The following STAU2 variants were observed in gnomAD, a reference collection of about 807,000 sequenced individuals.
The protein encoded by STAU2 is staufen double-stranded RNA binding protein 2, also known as double-stranded RNA-binding protein Staufen homolog 2.
A neutral mutation model predicts 65.9 loss-of-function variants in STAU2; 20 were observed. That is an observed-to-expected ratio of 0.30 (90% CI 0.21 to 0.44). The LOEUF is 0.44. STAU2 is among the 20% of genes least tolerant of loss of function. The probability of loss-of-function intolerance (pLI) is 1.00; values close to 1 mark genes in which losing one functional copy is unlikely to be tolerated. For missense variants in STAU2, 558 were observed against 683.9 expected (o/e 0.82, Z 2.05); for synonymous variants, 232 against 233.9 (o/e 0.99, Z 0.07).
rs978584462 is a variant in STAU2 at position 73,421,234 on chromosome 8, C to T, written c.*138G>A. 2.4e-4 allele frequency: 171 copies of T among 714,546 alleles called. No individual in the cohort carries two copies. The highest frequency in any genetic ancestry group is 2.0e-3 in the Middle Eastern group (5 of 2,542). The allele number at this position is 714,546 out of a possible 1,614,324, so 44.3% of individuals were successfully genotyped here. On this transcript the variant is annotated 3_prime_UTR_variant, in exon 15 of 15. Transcript: ENST00000524300. Reference sequence around the variant, plus strand: ...GAATAAACAGTACCATGTATATTATCTCTCGTGTTAGAATAGTGTTGTCTT... The same window carrying T: ...GAATAAACAGTACCATGTATATTATTTCTCGTGTTAGAATAGTGTTGTCTT...
chr8:73,569,377 C>T (rs1460911636), intron 12 of STAU2, among the ~76,000 whole-genome samples: 5 of 152,182 alleles, frequency 3.3e-5, no homozygotes, highest in South Asian at 2.1e-4. Context: ...ACTCCACCTC[C>T]GGGGGCAGGG....
At chr8:73,473,977 G>C (rs1402657126) in intron 13 of STAU2, among the ~76,000 whole-genome samples, 2 of 152,144 alleles carry the variant, frequency 1.3e-5, no homozygotes, top group African/African-American at 4.8e-5. Flanking sequence ...CTTTGCAAAT[G>C]AGAATGTCAT....
intron 13 of STAU2, among the ~76,000 whole-genome samples, chr8:73,452,996 C>T (rs1045396487): frequency 7.2e-5 from 11 of 152,146 alleles, no homozygotes; most frequent in African/African-American, 1.9e-4. Context: ...ATTTGTTCCA[C>T]GTTACTGAGT....
In STAU2 at chr8:73,577,164, C is replaced by T. The variant is rs182776708; in HGVS notation, c.1222+5606G>A. Among the ~76,000 whole-genome samples the T allele has an allele frequency of 3.1e-3, 469 of 152,252 alleles. 2 individuals are homozygous for T. Among genetic ancestry groups the T allele is most frequent in the African/African-American group, 9.9e-3 (413 of 41,548 alleles). ...ATATTTATGGCCGGGTACACTGGCT[C>T]ACGCCTGTAATCCCAGCACTTTGGG... On this transcript the variant is annotated intron_variant, in intron 12 of 14. Transcript: ENST00000524300.
At chr8:73,627,148 G>C (rs1813703248) in intron 6 of STAU2, among the ~76,000 whole-genome samples, 1 of 146,286 alleles carries the variant, frequency 6.8e-6, no homozygotes, top group Non-Finnish European at 1.5e-5. Flanking sequence ...CTGTCTGAGA[G>C]GTAAATGGCT....
At chr8:73,712,618 T>C (rs1374763036) in intron 3 of STAU2, among the ~76,000 whole-genome samples, 1 of 152,182 alleles carries the variant, frequency 6.6e-6, no homozygotes, top group Admixed American at 6.5e-5. Flanking sequence ...AAAATATTCT[T>C]AGCCAAAATA....
upstream of STAU2, chr8:73,747,261 C>T (rs1351604242): frequency 4.3e-6 from 5 of 1,176,218 alleles, no homozygotes; most frequent in East Asian, 8.6e-5. Context: ...TCCCCGCCCC[C>T]TCGTCTGCCA....
chr8:73,487,296 G>A (rs1432538363), intron 13 of STAU2, among the ~76,000 whole-genome samples: 2 of 152,064 alleles, frequency 1.3e-5, no homozygotes, highest in African/African-American at 2.4e-5. Flanking sequence ...TAACTCTGGT[G>A]GGTGGTAGGA....
intron 6 of STAU2, among the ~76,000 whole-genome samples, chr8:73,656,046 G>C (rs1467240041): frequency 1.3e-5 from 2 of 152,144 alleles, no homozygotes; most frequent in Non-Finnish European, 2.9e-5. Flanking sequence ...GTCTCCCGAA[G>C]TGCTGGGATT....
chr8:73,426,514 C>T (rs983428781), intron 13 of STAU2, among the ~76,000 whole-genome samples: 1 of 152,196 alleles, frequency 6.6e-6, no homozygotes, highest in Non-Finnish European at 1.5e-5. Context: ...CTTTTTACTT[C>T]TGTAAGATCA....
intron 13 of STAU2, among the ~76,000 whole-genome samples, chr8:73,457,124 C>T (rs1393696701): frequency 6.6e-6 from 1 of 152,162 alleles, no homozygotes; most frequent in Non-Finnish European, 1.5e-5. Context: ...ATCAAGGGCA[C>T]TGAAAGGGAT....
intron 10 of STAU2, 36 bp from the exon 11 acceptor site, chr8:73,595,333 T>C (rs1563446480): frequency 6.5e-7 from 1 of 1,540,964 alleles, no homozygotes; most frequent in African/African-American, 1.4e-5. Flanking sequence ...AAGAAATACA[T>C]TTATGATAAA....
intron 9 of STAU2, among the ~76,000 whole-genome samples, chr8:73,607,546 A>C (rs538255643): frequency 6.6e-6 from 1 of 151,928 alleles, no homozygotes; most frequent in African/African-American, 2.4e-5. Context: ...CCTAACCAAC[A>C]CAGAGAAACC....
intron 13 of STAU2, among the ~76,000 whole-genome samples, chr8:73,509,563 G>A (rs1337641441): frequency 6.6e-6 from 1 of 152,128 alleles, no homozygotes; most frequent in African/African-American, 2.4e-5. Flanking sequence ...TTTGGGTTAT[G>A]CAACTGTTTA....
At chr8:73,723,436 T>C (rs1821820845) in intron 3 of STAU2, among the ~76,000 whole-genome samples, 1 of 152,238 alleles carries the variant, frequency 6.6e-6, no homozygotes, top group African/African-American at 2.4e-5. Context: ...ATTTATGGCT[T>C]AAGTCTAAAA....
Position 73,684,260 on chromosome 8 carries a change from C to T in STAU2, c.274+4394G>A, listed in dbSNP as rs149525483. Among the ~76,000 whole-genome samples the T allele has an allele frequency of 1.0e-3, 156 of 152,214 alleles. No homozygotes were observed. The East Asian group carries it at 0.022, about 21-fold the overall frequency. On this transcript the variant is annotated intron_variant, in intron 5 of 14. Coordinates refer to ENST00000524300, the MANE Select transcript of STAU2 (RefSeq NM_001164380.2). ...AGCACGATACTGCTATAAAAATAGGCACATAGACCAATGGCACAGAATAGA... is the reference window on the plus strand; with the variant it reads ...AGCACGATACTGCTATAAAAATAGGTACATAGACCAATGGCACAGAATAGA...
chr8:73,507,134 C>T (rs1822115442), intron 13 of STAU2, among the ~76,000 whole-genome samples: 1 of 150,464 alleles, frequency 6.6e-6, no homozygotes, highest in South Asian at 2.1e-4. Flanking sequence ...TGACCTCCTC[C>T]CATGAATCAC....
chr8:73,484,407 G>A (rs1820803152), intron 13 of STAU2, among the ~76,000 whole-genome samples: 1 of 152,072 alleles, frequency 6.6e-6, no homozygotes, highest in Non-Finnish European at 1.5e-5. Context: ...TAATGGAATA[G>A]AGGTCAGCTT....
intron 3 of STAU2, among the ~76,000 whole-genome samples, chr8:73,714,562 C>T (rs1391068067): frequency 1.3e-5 from 2 of 151,912 alleles, no homozygotes; most frequent in African/African-American, 2.4e-5. Context: ...ATGCAAAATA[C>T]AAAAATTTCA....
Sources: gnomAD v4.1 joint callset for allele counts (sites outside exome capture counted in the v4.1 genomes callset) on GRCh38, gnomAD v4.1.1 for gene constraint, MANE v1.5 for transcripts, NCBI Gene and HGNC (gene_info 2026-07-23, HGNC 2026-07-21) for gene names.